MTUS2: variants seen among roughly 807,000 people sequenced by gnomAD.
MTUS2 encodes microtubule-associated tumor suppressor candidate 2.
Under a neutral mutation model 114.1 loss-of-function variants are expected in MTUS2, and 40 were observed. That is an observed-to-expected ratio of 0.35 (90% confidence interval 0.27 to 0.46). The LOEUF is 0.46. Among genes scored for constraint, MTUS2 ranks in the 20% least tolerant of loss-of-function variants. The pLI is 1.00. For missense variants in MTUS2, 1,679 were observed against 1,705.4 expected (o/e 0.98, Z 0.27); for synonymous variants, 688 against 672.0 (o/e 1.02, Z -0.37).
chr13:28,978,982 A>G (rs977750365), intron 2 of MTUS2, among the ~76,000 whole-genome samples: 8 of 152,222 alleles, frequency 5.3e-5, no homozygotes, highest in Non-Finnish European at 1.2e-4. Flanking sequence ...GGTTGTGGAA[A>G]GCAGCCCCGT....
At chr13:29,128,716 C>A (rs1310528831) in intron 5 of MTUS2, among the ~76,000 whole-genome samples, 5 of 151,960 alleles carry the variant, frequency 3.3e-5, no homozygotes, top group Non-Finnish European at 7.4e-5. Flanking sequence ...ATTTTTGATG[C>A]TAGCCATGTG....
rs146174054 is a variant in MTUS2, at chr13:28,906,777, G to C, written c.-243+66927G>C. Among the ~76,000 whole-genome samples, 1,316 of 151,636 alleles carry C rather than the reference G, an allele frequency of 8.7e-3. 39 individuals are homozygous for C. Among genetic ancestry groups the C allele is most frequent in the South Asian group, 0.024 (114 of 4,784 alleles). On this transcript the variant is annotated intron_variant, in intron 2 of 15. Coordinates refer to ENST00000612955, the MANE Select transcript of MTUS2 (RefSeq NM_001033602.4). Reference sequence around the variant, plus strand: ...CTGTAGATGTCTATTAGGTCTGCTTGGCGCAGAGCTGAGGTGATGGGGAGA... The same window carrying C: ...CTGTAGATGTCTATTAGGTCTGCTTCGCGCAGAGCTGAGGTGATGGGGAGA...
chr13:29,478,890 G>T lies in MTUS2; in HGVS notation c.3185-1260G>T, dbSNP rs1316322145. ...GTTAGGACACACCCTTCACACAAGG[G>T]CAAGGTGCCTGTGTAATATCTAGCG... is the stretch of plus-strand genomic sequence containing the variant. On this transcript the variant is annotated intron_variant, in intron 9 of 15. Coordinates refer to ENST00000612955, the MANE Select transcript of MTUS2 (RefSeq NM_001033602.4). Among the ~76,000 whole-genome samples the T allele has an allele frequency of 7.9e-5, 12 of 152,116 alleles. No individual in the cohort carries two copies. In the East Asian group the frequency reaches 2.1e-3, roughly 27 times the overall value.
intron 5 of MTUS2, among the ~76,000 whole-genome samples, chr13:29,191,145 T>C (rs986837512): frequency 2.0e-5 from 3 of 152,058 alleles, no homozygotes; most frequent in African/African-American, 7.2e-5. Context: ...GCCCAAGTTG[T>C]ATTCATTTTT....
intron 8 of MTUS2, among the ~76,000 whole-genome samples, chr13:29,381,532 T>G (rs7323099): frequency 0.27 from 40,476 of 152,086 alleles, 6,367 homozygotes; most frequent in African/African-American, 0.45. Flanking sequence ...AACTGTACAT[T>G]TCCATATTTA....
intron 7 of MTUS2, among the ~76,000 whole-genome samples, chr13:29,348,465 G>C (rs775636513): frequency 2.0e-5 from 3 of 152,090 alleles, no homozygotes; most frequent in Non-Finnish European, 4.4e-5. Context: ...ATTGAGCCTT[G>C]TTTTAAGACT....
In MTUS2 at chr13:29,033,998, T is replaced by A. The variant is rs1249621753; in HGVS notation, c.2319T>A (p.Gly773=). ...AMLLKPQLGL[G]AMSRLPSAKS... ...TCCTTAAGCCCCAGCTAGGATTGGG[T>A]GCAATGTCCCGTTTACCATCTGCAA... is the stretch of plus-strand genomic sequence containing the variant. Residue 773 remains glycine (G), a synonymous_variant, in exon 4 of 16, where the codon GGT becomes GGA. Transcript: ENST00000612955. 4 of 1,613,966 alleles carry A rather than the reference T, an allele frequency of 2.5e-6. No individual in the cohort carries two copies. Among genetic ancestry groups the A allele is most frequent in the Non-Finnish European group, 3.4e-6 (4 of 1,179,892 alleles).
intron 3 of MTUS2, among the ~76,000 whole-genome samples, chr13:29,030,609 ACTT>A (rs1423179087): frequency 6.6e-6 from 1 of 152,132 alleles, no homozygotes; most frequent in African/African-American, 2.4e-5. Flanking sequence ...AAAACAGCCG[ACTT>A]CTTCTGCCAG....
At chr13:29,315,402 T>C (rs1238335374) in intron 6 of MTUS2, among the ~76,000 whole-genome samples, 3 of 152,206 alleles carry the variant, frequency 2.0e-5, no homozygotes, top group African/African-American at 7.2e-5. Context: ...GCATATTGTT[T>C]ACATGTTCCA....
In MTUS2 at chr13:29,480,656, C is replaced by T. The variant is rs1435645237; in HGVS notation, c.3399+292C>T. Among the ~76,000 whole-genome samples the T allele has an allele frequency of 2.0e-5, 3 of 152,178 alleles. No homozygotes were observed. The highest frequency in any genetic ancestry group is 4.4e-5 in the Non-Finnish European group (3 of 68,032). ...CTCCCTTCCAGACTTTTCTCTGTCA[C>T]CTTGCTCAGTGAGACCTTTATCCAA... On this transcript the variant is annotated intron_variant, in intron 10 of 15. Transcript: ENST00000612955. The surrounding 1 kb of genome is among the most constrained non-coding windows in gnomAD (Gnocchi z 4.4).
chr13:29,110,590 T>C lies in MTUS2; in HGVS notation c.2644+9620T>C, dbSNP rs191055035. Among the ~76,000 whole-genome samples the C allele has an allele frequency of 1.6e-4, 24 of 152,312 alleles. 2 individuals are homozygous for C. Among genetic ancestry groups the C allele is most frequent in the Admixed American group, 1.3e-3 (20 of 15,300 alleles). On this transcript the variant is annotated intron_variant, in intron 5 of 15. Coordinates refer to ENST00000612955, the MANE Select transcript of MTUS2 (RefSeq NM_001033602.4). ...TTTTAGTGAATCTTGCTGTTAATCT[T>C]CCCAATTATTCCCACACATTCAGTT...
chr13:29,337,894 T>C (rs1325893186), intron 7 of MTUS2, among the ~76,000 whole-genome samples: 1 of 151,198 alleles, frequency 6.6e-6, no homozygotes, highest in Non-Finnish European at 1.5e-5. Flanking sequence ...GTTCAAGCAA[T>C]TCTCCTGCCT....
At chr13:29,225,208 T>C (rs1210111198) in intron 5 of MTUS2, among the ~76,000 whole-genome samples, 7 of 152,200 alleles carry the variant, frequency 4.6e-5, no homozygotes, top group Admixed American at 4.6e-4. Context: ...TTCCCTGTCT[T>C]TGTGTTCTCT....
At chr13:28,828,821 G>A (rs1203171241) in intron 1 of MTUS2, among the ~76,000 whole-genome samples, 1 of 152,078 alleles carries the variant, frequency 6.6e-6, no homozygotes, top group East Asian at 1.9e-4. Flanking sequence ...AGGAAGACAG[G>A]ATCAGTATTA....
At chr13:29,379,504 C>T (rs1872038839) in intron 8 of MTUS2, among the ~76,000 whole-genome samples, 1 of 152,232 alleles carries the variant, frequency 6.6e-6, no homozygotes, top group South Asian at 2.1e-4. Context: ...ATGATTCCCA[C>T]AGCCTGGCTG....
chr13:29,503,224 C>T lies in MTUS2; in HGVS notation c.*18C>T. On this transcript the variant is annotated 3_prime_UTR_variant, in exon 16 of 16. Coordinates refer to ENST00000612955, the MANE Select transcript of MTUS2 (RefSeq NM_001033602.4). ...CCAGATGACGCCACTACACGGCCTGCGGGAGCTCCGGCTTCTCGTCCTCCG... is the reference window on the plus strand; with the variant it reads ...CCAGATGACGCCACTACACGGCCTGTGGGAGCTCCGGCTTCTCGTCCTCCG... 2 of 1,611,398 alleles carry T rather than the reference C, an allele frequency of 1.2e-6. No homozygotes were observed. Among genetic ancestry groups the T allele is most frequent in the South Asian group, 1.1e-5 (1 of 90,988 alleles).
Position 28,825,661 on chromosome 13 carries a change from G to A in MTUS2, c.-316+5050G>A, listed in dbSNP as rs570070752. On this transcript the variant is annotated intron_variant, in intron 1 of 15. Transcript: ENST00000612955. ...AAACCATTGGGGAGCAGCAGCCAGG[G>A]CCTGTCTGCTGGTTTTTAGTTACAG... Among the ~76,000 whole-genome samples the A allele has an allele frequency of 1.6e-4, 25 of 152,302 alleles. No homozygotes were observed. The East Asian group carries it at 3.3e-3, about 20-fold the overall frequency.
chr13:29,379,399 G>A (rs1449989565), intron 8 of MTUS2, among the ~76,000 whole-genome samples: 1 of 152,158 alleles, frequency 6.6e-6, no homozygotes, highest in Non-Finnish European at 1.5e-5. Context: ...TAGACCTATA[G>A]AAGAGTGGGT....
chr13:29,388,591 G>A (rs1445383978), intron 8 of MTUS2, among the ~76,000 whole-genome samples: 3 of 151,246 alleles, frequency 2.0e-5, no homozygotes, highest in South Asian at 4.2e-4. Flanking sequence ...GTTTATAATT[G>A]TCAAAGTCAA....
Sources: gnomAD v4.1 joint callset for allele counts (sites outside exome capture counted in the v4.1 genomes callset) on GRCh38, gnomAD v4.1.1 for gene constraint, Gnocchi (gnomAD v3.1) non-coding constraint, MANE v1.5 for transcripts, NCBI Gene and HGNC (gene_info 2026-07-23, HGNC 2026-07-21) for gene names.